SAP130: variants seen among roughly 807,000 people sequenced by gnomAD.
SAP130 encodes the protein Sin3A associated protein 130, also known as histone deacetylase complex subunit SAP130.
In SAP130, 16 loss-of-function variants were observed where a neutral mutation model predicts 103.2. That is an observed-to-expected ratio of 0.16 (90% confidence interval 0.10 to 0.24). SAP130 has a LOEUF of 0.24. Among genes scored for constraint, SAP130 ranks in the 10% least tolerant of loss-of-function variants. SAP130 has a pLI of 1.00. For synonymous variants in SAP130, 477 were observed against 497.0 expected (o/e 0.96, Z 0.53); for missense variants, 990 against 1,359.7 (o/e 0.73, Z 4.28).
At chr2:128,004,576 G>T (rs1260493225) in intron 7 of SAP130, among the ~76,000 whole-genome samples, 1 of 152,000 alleles carries the variant, frequency 6.6e-6, no homozygotes, top group Non-Finnish European at 1.5e-5. Context: ...ACTCCAAAAT[G>T]AGGAGCATAA....
At chr2:128,003,295 C>G (rs1455788591) in intron 7 of SAP130, among the ~76,000 whole-genome samples, 1 of 151,730 alleles carries the variant, frequency 6.6e-6, no homozygotes, top group African/African-American at 2.4e-5. Flanking sequence ...CTGCTTGAGC[C>G]CAGGAATTTG....
chr2:127,983,836 T>TG (rs1418667316), intron 14 of SAP130, among the ~76,000 whole-genome samples: 1 of 129,126 alleles, frequency 7.7e-6, no homozygotes. Context: ...TTTTTTTTTT[T>TG]TTTTTTTTTT....
chr2:128,009,135 T>TG (rs990652699), intron 7 of SAP130, among the ~76,000 whole-genome samples: 2 of 152,120 alleles, frequency 1.3e-5, no homozygotes, highest in Non-Finnish European at 2.9e-5. Flanking sequence ...CCCCACCGCC[T>TG]GCCCCAGTGA....
intron 15 of SAP130, 71 bp downstream of exon 15, chr2:127,977,914 A>G: frequency 1.8e-6 from 2 of 1,134,146 alleles, no homozygotes; most frequent in South Asian, 1.3e-5. Context: ...TCATGCAGGA[A>G]TATTAGACTC....
chr2:127,952,812 A>C (rs1180882630), intron 16 of SAP130, among the ~76,000 whole-genome samples: 2 of 152,036 alleles, frequency 1.3e-5, no homozygotes, highest in Non-Finnish European at 2.9e-5. Context: ...TGTTCCCTCC[A>C]TTCAGCCTCC....
chr2:128,026,313 GT>G lies in SAP130; in HGVS notation c.-6-16del, dbSNP rs764196009. 6 of 1,518,252 alleles carry G rather than the reference GT, an allele frequency of 4.0e-6. No individual in the cohort carries two copies. Among genetic ancestry groups the G allele is most frequent in the Non-Finnish European group, 5.5e-6 (6 of 1,092,820 alleles). 94.0% of individuals were successfully genotyped at this position (1,518,252 alleles called of 1,614,324 possible). A position where few individuals can be genotyped will look rare whatever the true frequency, so the allele number is the denominator to read the frequency against. ...CTCATTTCCACCTGTAGTACATACA[GT>G]TATATGGTTATTACTAGATTCTGAG... On this transcript the variant is annotated splice_polypyrimidine_tract_variant and intron_variant, in intron 1 of 20. Transcript: ENST00000643581.
intron 12 of SAP130, among the ~76,000 whole-genome samples, chr2:127,992,701 C>T (rs555855981): frequency 6.5e-4 from 99 of 152,246 alleles, no homozygotes; most frequent in Admixed American, 4.3e-3. Context: ...ACTATTCACA[C>T]GTCATCATGA....
At chr2:127,998,559 CTATTA>C (rs947018929) in intron 10 of SAP130, among the ~76,000 whole-genome samples, 2 of 152,090 alleles carry the variant, frequency 1.3e-5, no homozygotes, top group African/African-American at 4.8e-5. Context: ...TAGAGAGATC[CTATTA>C]TAATACAGAA....
chr2:127,946,719 CT>C, intron 18 of SAP130, among the ~76,000 whole-genome samples: 1 of 151,418 alleles, frequency 6.6e-6, no homozygotes, highest in East Asian at 1.9e-4. Context: ...CCTGTCTCTA[CT>C]AAAAATACAA....
At chr2:127,950,048 G>C in intron 17 of SAP130, 54 bp from the exon 18 acceptor site, 1 of 1,610,034 alleles carries the variant, frequency 6.2e-7, no homozygotes, top group Non-Finnish European at 8.5e-7. Flanking sequence ...AATCCTCAAA[G>C]TTCATTTCCA....
intron 10 of SAP130, among the ~76,000 whole-genome samples, chr2:127,999,514 G>A (rs1683398163): frequency 6.6e-6 from 1 of 151,610 alleles, no homozygotes; most frequent in South Asian, 2.1e-4. Context: ...TGAGGCAGGA[G>A]AACTGCTTGA....
intron 12 of SAP130, among the ~76,000 whole-genome samples, chr2:127,990,965 A>T (rs1026823361): frequency 1.7e-4 from 26 of 151,582 alleles, no homozygotes; most frequent in Non-Finnish European, 2.9e-5. Context: ...AAGTAAAAGA[A>T]ACAGGCCAGG....
intron 12 of SAP130, 141 bp from the exon 13 acceptor site, chr2:127,990,007 A>C: frequency 2.6e-6 from 2 of 765,136 alleles, no homozygotes; most frequent in Non-Finnish European, 4.1e-6. Context: ...ATAAATAAAC[A>C]TTGTTACTTG....
chr2:128,004,195 GATAGTAAGGAA>G (rs1317997619), intron 7 of SAP130, among the ~76,000 whole-genome samples: 4 of 151,380 alleles, frequency 2.6e-5, no homozygotes, highest in Admixed American at 2.0e-4. Context: ...CCTCTCAGAG[GATAGTAAGGAA>G]ATAGTAAGGA....
At chr2:128,019,415 A>G (rs557323726) in intron 2 of SAP130, among the ~76,000 whole-genome samples, 34 of 152,254 alleles carry the variant, frequency 2.2e-4, no homozygotes, top group African/African-American at 7.9e-4. Flanking sequence ...CTACAGGCAC[A>G]TGCCACCACA....
In SAP130 at chr2:127,942,945, G is replaced by C. The variant is rs567304087; in HGVS notation, c.2902-408C>G. Among the ~76,000 whole-genome samples, 7 of 152,120 alleles carry C rather than the reference G, an allele frequency of 4.6e-5. No homozygotes were observed. Among genetic ancestry groups the C allele is most frequent in the African/African-American group, 1.4e-4 (6 of 41,510 alleles). Reference sequence around the variant, plus strand: ...AGAGGTTGCAGTGAGCTGAGATCCCGCCATTGCACTCCAGCCTGGGCAACA... The same window carrying C: ...AGAGGTTGCAGTGAGCTGAGATCCCCCCATTGCACTCCAGCCTGGGCAACA... On this transcript the variant is annotated intron_variant, in intron 19 of 20. Transcript: ENST00000643581. This position sits in a 1 kb window ranked among gnomAD's most constrained non-coding sequence, Gnocchi z 4.8.
chr2:127,980,068 G>A (rs561434378), intron 14 of SAP130, among the ~76,000 whole-genome samples: 344 of 151,874 alleles, frequency 2.3e-3, no homozygotes, highest in Non-Finnish European at 3.8e-3. Flanking sequence ...TACTAGAGAC[G>A]GGGTTTCACC....
intron 14 of SAP130, among the ~76,000 whole-genome samples, chr2:127,985,471 G>C (rs1330083660): frequency 6.6e-6 from 1 of 152,142 alleles, no homozygotes; most frequent in Non-Finnish European, 1.5e-5. Flanking sequence ...AAACATGTCT[G>C]CTCATCTCCC....
rs541869368 is a variant in SAP130, at chr2:127,996,291, G to A, written c.1355+59C>T. The A allele has an allele frequency of 2.1e-6, 3 of 1,450,564 alleles. No homozygotes were observed. Among genetic ancestry groups the A allele is most frequent in the African/African-American group, 2.9e-5 (2 of 70,006 alleles). The allele number at this position is 1,450,564 out of a possible 1,614,324, so 89.9% of individuals were successfully genotyped here. A position where few individuals can be genotyped will look rare whatever the true frequency, so the allele number is the denominator to read the frequency against. On this transcript the variant is annotated intron_variant, in intron 11 of 20. Coordinates refer to ENST00000643581, the MANE Select transcript of SAP130 (RefSeq NM_001330301.2). This position sits in a 1 kb window ranked among gnomAD's most constrained non-coding sequence, Gnocchi z 4.3. Reference sequence around the variant, plus strand: ...TTTGTGGGACACTTTGTTTTATGCTGATAAAGCAGAACGATTAATGACACA... The same window carrying A: ...TTTGTGGGACACTTTGTTTTATGCTAATAAAGCAGAACGATTAATGACACA...
Sources: allele counts gnomAD v4.1 joint callset (sites outside exome capture counted in the v4.1 genomes callset), GRCh38; gene constraint gnomAD v4.1.1; non-coding constraint Gnocchi (gnomAD v3.1); transcripts MANE v1.5; gene names NCBI Gene and HGNC (gene_info 2026-07-23, HGNC 2026-07-21).